The following PAOX variants were observed in gnomAD, a reference collection of about 807,000 sequenced individuals.
PAOX encodes the protein polyamine oxidase.
In PAOX, 38 loss-of-function variants were observed where a neutral mutation model predicts 39.0. The ratio of observed to expected loss-of-function variants is 0.97; its 90% CI spans 0.75 to 1.28. The LOEUF (loss-of-function observed/expected upper bound fraction) is 1.28, where lower values mean the gene tolerates loss of function less well. PAOX is among the 50% of genes most tolerant of loss of function. PAOX has a pLI of 0.00. For missense variants in PAOX, 667 were observed against 685.7 expected (o/e 0.97, Z 0.30); for synonymous variants, 311 against 314.4 (o/e 0.99, Z 0.11).
At position 133,380,466 on chromosome 10, in the gene PAOX, C is replaced by A; in HGVS notation, c.649C>A (p.Leu217Met). 6.2e-7 allele frequency: 1 copy of A among 1,609,212 alleles called. No individual in the cohort carries two copies. The stretch of plus-strand genomic sequence containing the variant: ...TGGGGAGTATACCGTGCTGCCGGGG[C>A]TGGACTGCACCTTTTCTAAGTGCGT... ...PFGEYTVLPG[L>M]DCTFSKGYQG... The change falls in exon 2 of 7, where the codon CTG becomes ATG. Residue 217 changes from leucine to methionine, a missense_variant. By Grantham distance (15) the Leu-to-Met change is conservative. Transcript: ENST00000278060.
At chr10:133,386,307 G>A (rs1344100160) in intron 4 of PAOX, among the ~76,000 whole-genome samples, 1 of 151,944 alleles carries the variant, frequency 6.6e-6, no homozygotes, top group African/African-American at 2.4e-5. Flanking sequence ...TTACAGGTGT[G>A]AGCCACCACG....
At position 133,381,687 on chromosome 10, in the gene PAOX, C is replaced by T. The variant is rs1039851885; in HGVS notation, c.868+28C>T. On this transcript the variant is annotated intron_variant, in intron 3 of 6. Coordinates refer to ENST00000278060, the MANE Select transcript of PAOX (RefSeq NM_152911.4). ...AGGTCAGGTTTTCAGCCCAAACCCC[C>T]ATCCCAAGTGCCCCCGCCTCTGCCC... 4.4e-6 allele frequency: 7 copies of T among 1,608,102 alleles called. No homozygotes were observed. In the African/African-American group the frequency reaches 8.0e-5, roughly 18 times the overall value.
chr10:133,381,881 C>T (rs1264672994), intron 3 of PAOX, among the ~76,000 whole-genome samples: 1 of 152,208 alleles, frequency 6.6e-6, no homozygotes, highest in Non-Finnish European at 1.5e-5. Context: ...AAGTATGCGT[C>T]CTGCTCGCTT....
rs760959472 is a variant in PAOX at position 133,381,431 on chromosome 10, C to T, written c.669-29C>T. The T allele has an allele frequency of 2.0e-5, 32 of 1,608,954 alleles. No homozygotes were observed. The Admixed American group carries it at 5.2e-4, about 26-fold the overall frequency. On this transcript the variant is annotated intron_variant, in intron 2 of 6. Coordinates refer to ENST00000278060, the MANE Select transcript of PAOX (RefSeq NM_152911.4). ...TCCTGCCCTTCCAGGGACTGGGCCT[C>T]TACGAAACCAGCACTTCCGTCTTTC...
rs1849479152 is a variant in PAOX at position 133,384,311 on chromosome 10, A to AG, written c.1121+104dup. ...TGTCTGTTCACTGCAGGGTATTTCT[A>AG]GGGGGTTTAATGGGTAGGGTTCCCA... On this transcript the variant is annotated intron_variant, in intron 4 of 6. Transcript: ENST00000278060. This position sits in a 1 kb window ranked among gnomAD's most constrained non-coding sequence, Gnocchi z 4.3. The AG allele has an allele frequency of 7.2e-6, 11 of 1,522,298 alleles. No homozygotes were observed. The highest frequency in any genetic ancestry group is 9.8e-6 in the Non-Finnish European group (11 of 1,126,658). The allele number at this position is 1,522,298 out of a possible 1,614,324, so 94.3% of individuals were successfully genotyped here. A position where few individuals can be genotyped will look rare whatever the true frequency, so the allele number is the denominator to read the frequency against.
chr10:133,379,359 C>A lies in PAOX; in HGVS notation c.43C>A (p.Arg15=), dbSNP rs946477518. ...GSVGEAPGGP[R]VLVVGGGIAG... is the part of the protein sequence containing the mutation. Reference sequence around the variant, plus strand: ...CGTCGGGGAGGCCCCGGGCGGACCCCGGGTGCTGGTGGTGGGCGGCGGCAT... The same window carrying A: ...CGTCGGGGAGGCCCCGGGCGGACCCAGGGTGCTGGTGGTGGGCGGCGGCAT... The change falls in exon 1 of 7, where the codon CGG becomes AGG. Residue 15 remains arginine (R), a synonymous_variant. Transcript: ENST00000278060. 5.7e-6 allele frequency: 7 copies of A among 1,218,338 alleles called. No homozygotes were observed. In the African/African-American group the frequency reaches 9.4e-5, roughly 16 times the overall value. 75.5% of individuals were successfully genotyped at this position (1,218,338 alleles called of 1,614,324 possible).
At position 133,389,752 on chromosome 10, in the gene PAOX, G is replaced by A. The variant is rs1849626021; in HGVS notation, c.1392+5G>A. ...GCAGACGGCGCCGGCGCCCAGGTAT[G>A]TGGCGTGCCCCAGTCGGGGGGCGTG... is the stretch of plus-strand genomic sequence containing the variant. On this transcript the variant is annotated splice_donor_5th_base_variant and intron_variant, in intron 6 of 6. Transcript: ENST00000278060. 1 of 1,512,906 alleles carries A rather than the reference G, an allele frequency of 6.6e-7. No homozygotes were observed. Among genetic ancestry groups the A allele is most frequent in the Non-Finnish European group, 8.8e-7 (1 of 1,131,140 alleles). 93.7% of individuals were successfully genotyped at this position (1,512,906 alleles called of 1,614,324 possible). A position where few individuals can be genotyped will look rare whatever the true frequency, so the allele number is the denominator to read the frequency against.
rs1001861056 is a variant in PAOX, at chr10:133,379,408, G to C, written c.92G>C (p.Arg31Thr). ...ATCGCGGGGCTGGGCGCGGCGCAGA[G>C]GCTCTGCGGCCACTCCGCCTTCCCG... ...GGIAGLGAAQRLCGHSAFPHL... is the reference protein window; with the variant it reads ...GGIAGLGAAQTLCGHSAFPHL... The change falls in exon 1 of 7, where the codon AGG becomes ACG. Residue 31 changes from arginine to threonine, a missense_variant. By Grantham distance (71) the Arg-to-Thr change is moderately conservative. Transcript: ENST00000278060. 6 of 1,223,090 alleles carry C rather than the reference G, an allele frequency of 4.9e-6. No individual in the cohort carries two copies. The South Asian group carries it at 1.7e-4, about 34-fold the overall frequency. The allele number at this position is 1,223,090 out of a possible 1,614,324, so 75.8% of individuals were successfully genotyped here.
intron 4 of PAOX, among the ~76,000 whole-genome samples, chr10:133,387,509 T>G (rs1849558344): frequency 6.6e-6 from 1 of 152,216 alleles, no homozygotes; most frequent in Non-Finnish European, 1.5e-5. Context: ...TGTTAGTTGT[T>G]TTCCTGTGAT....
chr10:133,380,946 C>G (rs1382201207), intron 2 of PAOX, among the ~76,000 whole-genome samples: 1 of 152,224 alleles, frequency 6.6e-6, no homozygotes, highest in Non-Finnish European at 1.5e-5. Flanking sequence ...CCATTGCACT[C>G]CAACCTGGGC....
intron 5 of PAOX, 21 bp downstream of exon 5, chr10:133,389,089 C>G: frequency 6.4e-7 from 1 of 1,556,158 alleles, no homozygotes; most frequent in East Asian, 2.2e-5. Flanking sequence ...ACCACACACG[C>G]TGGTTCCTGC....
At chr10:133,386,978 T>C (rs886517693) in intron 4 of PAOX, among the ~76,000 whole-genome samples, 4 of 152,220 alleles carry the variant, frequency 2.6e-5, no homozygotes, top group Non-Finnish European at 5.9e-5. Flanking sequence ...TCCATGGCTT[T>C]AGTCATTGGA....
At chr10:133,389,224 A>G (rs974229471) in intron 5 of PAOX, among the ~76,000 whole-genome samples, 156 bp downstream of exon 5, 13 of 152,252 alleles carry the variant, frequency 8.5e-5, no homozygotes, top group Admixed American at 4.6e-4. Flanking sequence ...GGTCAGTAAC[A>G]GTTCTTACCT....
In PAOX at chr10:133,384,932, C is replaced by G. The variant is rs867931923; in HGVS notation, c.1121+720C>G. Among the ~76,000 whole-genome samples, 2 of 152,204 alleles carry G rather than the reference C, an allele frequency of 1.3e-5. No homozygotes were observed. Among genetic ancestry groups the G allele is most frequent in the African/African-American group, 2.4e-5 (1 of 41,448 alleles). On this transcript the variant is annotated intron_variant, in intron 4 of 6. Transcript: ENST00000278060. The surrounding 1 kb of genome is among the most constrained non-coding windows in gnomAD (Gnocchi z 4.3). Reference sequence around the variant, plus strand: ...GTTGCCATCCACTGGGAGCAGGAGGCTGCAGGCTGCAGACCAGCCCTGCAC... The same window carrying G: ...GTTGCCATCCACTGGGAGCAGGAGGGTGCAGGCTGCAGACCAGCCCTGCAC...
At chr10:133,381,064 C>T (rs753993140) in intron 2 of PAOX, among the ~76,000 whole-genome samples, 1 of 152,242 alleles carries the variant, frequency 6.6e-6, no homozygotes, top group Non-Finnish European at 1.5e-5. Context: ...CAGACAGGCC[C>T]TCTCCCTGTG....
chr10:133,380,862 C>T (rs549710623), intron 2 of PAOX, among the ~76,000 whole-genome samples: 1 of 152,302 alleles, frequency 6.6e-6, no homozygotes, highest in South Asian at 2.1e-4. Context: ...CCTGTAATCC[C>T]AGCTACTCGG....
At chr10:133,387,361 T>A (rs562014622) in intron 4 of PAOX, among the ~76,000 whole-genome samples, 5 of 152,212 alleles carry the variant, frequency 3.3e-5, no homozygotes, top group Non-Finnish European at 7.3e-5. Context: ...AAAATCAAAT[T>A]TATTAACATA....
intron 4 of PAOX, among the ~76,000 whole-genome samples, chr10:133,386,658 G>C (rs1849539217): frequency 6.6e-6 from 1 of 151,902 alleles, no homozygotes; most frequent in Admixed American, 6.6e-5. Context: ...ATTTTTAGCA[G>C]AGATGGGGTT....
rs769816764 is a variant in PAOX, at chr10:133,380,462, G to A, written c.645G>A (p.Pro215=). Residue 215 remains proline (P), a synonymous_variant, in exon 2 of 7, where the codon CCG becomes CCA. Transcript: ENST00000278060. Reference sequence around the variant, plus strand: ...CCTTTGGGGAGTATACCGTGCTGCCGGGGCTGGACTGCACCTTTTCTAAGT... The same window carrying A: ...CCTTTGGGGAGTATACCGTGCTGCCAGGGCTGGACTGCACCTTTTCTAAGT... ...LAPFGEYTVL[P]GLDCTFSKGY... The A allele has an allele frequency of 6.2e-7, 1 of 1,610,030 alleles. No individual in the cohort carries two copies. Among genetic ancestry groups the A allele is most frequent in the East Asian group, 2.2e-5 (1 of 44,864 alleles).
Sources: gnomAD v4.1 joint callset for allele counts (sites outside exome capture counted in the v4.1 genomes callset) on GRCh38, gnomAD v4.1.1 for gene constraint, Gnocchi (gnomAD v3.1) non-coding constraint, MANE v1.5 for transcripts, NCBI Gene and HGNC (gene_info 2026-07-23, HGNC 2026-07-21) for gene names.